Variants in RYR3 observed in about 807,000 individuals in gnomAD.
RYR3 encodes the protein ryanodine receptor 3.
A neutral mutation model predicts 584.3 loss-of-function variants in RYR3; 207 were observed. The ratio of observed to expected loss-of-function variants is 0.35; its 90% CI spans 0.32 to 0.40. The LOEUF (loss-of-function observed/expected upper bound fraction) is 0.40, where lower values mean the gene tolerates loss of function less well. Among genes scored for constraint, RYR3 ranks in the 10% least tolerant of loss-of-function variants. The pLI is 1.00. For missense variants in RYR3, 5,616 were observed against 6,089.2 expected (o/e 0.92, Z 2.59); for synonymous variants, 2,416 against 2,248.5 (o/e 1.07, Z -2.11).
chr15:33,808,135 A>G (rs1245508338), intron 70 of RYR3, among the ~76,000 whole-genome samples: 1 of 152,188 alleles, frequency 6.6e-6, no homozygotes, highest in African/African-American at 2.4e-5. Flanking sequence ...GCTCTACACT[A>G]TGCAGTGAAG....
In RYR3 at chr15:33,539,359, G is replaced by A; in HGVS notation, c.443G>A (p.Cys148Tyr). The change falls in exon 6 of 104, where the codon TGT becomes TAT. Residue 148 changes from cysteine (C) to tyrosine (Y), a missense_variant. Cys to Tyr is a radical substitution (Grantham distance 194). Coordinates refer to ENST00000634891, the MANE Select transcript of RYR3 (RefSeq NM_001036.6). The part of the protein sequence containing the change: ...GLREHATGEA[C>Y]WWTIHPASKQ... ...AGGAGCCTTCATGTAGGAGAAGCCT[G>A]TTGGTGGACTATACATCCTGCTTCC... 2 of 1,589,758 alleles carry A rather than the reference G, an allele frequency of 1.3e-6. No individual in the cohort carries two copies. The highest frequency in any genetic ancestry group is 2.3e-5 in the East Asian group (1 of 44,014).
At chr15:33,751,869 T>G (rs1008453723) in intron 57 of RYR3, among the ~76,000 whole-genome samples, 2 of 152,158 alleles carry the variant, frequency 1.3e-5, no homozygotes, top group South Asian at 2.1e-4. Context: ...TTTGGTCTTA[T>G]GTTTAAGTCT....
At chr15:33,546,804 A>AT (rs2056275840) in intron 8 of RYR3, among the ~76,000 whole-genome samples, 2 of 151,932 alleles carry the variant, frequency 1.3e-5, no homozygotes, top group African/African-American at 4.8e-5. Flanking sequence ...CTACTTCTCC[A>AT]GAAAAAAAAA....
intron 77 of RYR3, 60 bp from the exon 78 acceptor site, chr15:33,820,696 A>C: frequency 7.0e-7 from 1 of 1,426,252 alleles, no homozygotes; most frequent in African/African-American, 1.4e-5. Context: ...AGTTGTGTTT[A>C]TTAGATTTCC....
In RYR3 at chr15:33,865,404, ACATACACTGTGG is replaced by A. The variant is rs1890169229; in HGVS notation, c.*179_*190del. 1 of 577,432 alleles carries A rather than the reference ACATACACTGTGG, an allele frequency of 1.7e-6. No individual in the cohort carries two copies. The highest frequency in any genetic ancestry group is 3.1e-6 in the Non-Finnish European group (1 of 325,344). The allele number at this position is 577,432 out of a possible 1,614,324, so 35.8% of individuals were successfully genotyped here. ...TGATTTGGCTTTTTGTGCCTAATGG[ACATACACTGTGG>A]GAGAGAACCTGTCAAAATGTCGAAG... On this transcript the variant is annotated 3_prime_UTR_variant, in exon 104 of 104. Coordinates refer to ENST00000634891, the MANE Select transcript of RYR3 (RefSeq NM_001036.6).
At chr15:33,753,622 T>C (rs929244231) in intron 57 of RYR3, among the ~76,000 whole-genome samples, 7 of 152,186 alleles carry the variant, frequency 4.6e-5, no homozygotes, top group African/African-American at 1.7e-4. Context: ...TAGTTTCCTA[T>C]AGATTTTTTG....
chr15:33,668,151 C>CA (rs543583183), intron 36 of RYR3, among the ~76,000 whole-genome samples: 24,778 of 131,592 alleles, frequency 0.19, 2,599 homozygotes, highest in Middle Eastern at 0.25. Context: ...ACTGAAAATA[C>CA]AAAAAAAAAA....
chr15:33,360,228 C>T (rs899654555), intron 1 of RYR3, among the ~76,000 whole-genome samples: 20 of 152,134 alleles, frequency 1.3e-4, no homozygotes, highest in African/African-American at 4.8e-4. Flanking sequence ...CTCTTACAGT[C>T]GTGAGATAGG....
chr15:33,599,048 C>T (rs2437137), intron 16 of RYR3, among the ~76,000 whole-genome samples: 66,170 of 149,690 alleles, frequency 0.44, 14,991 homozygotes, highest in East Asian at 0.79. Context: ...GAGCGAGACT[C>T]CGTCTCCAAA....
intron 1 of RYR3, among the ~76,000 whole-genome samples, chr15:33,422,664 C>A (rs1213126868): frequency 6.6e-6 from 1 of 152,018 alleles, no homozygotes; most frequent in Admixed American, 6.6e-5. Context: ...GAGGAGAGAA[C>A]CTCGCACATC....
chr15:33,829,751 CAAA>C (rs56172137), intron 85 of RYR3, among the ~76,000 whole-genome samples: 63 of 134,738 alleles, frequency 4.7e-4, no homozygotes, highest in African/African-American at 8.0e-4. Context: ...GACTCTGTCT[CAAA>C]AAAAAAAAAA....
At chr15:33,416,628 A>T (rs922086306) in intron 1 of RYR3, among the ~76,000 whole-genome samples, 3 of 152,006 alleles carry the variant, frequency 2.0e-5, no homozygotes, top group Non-Finnish European at 4.4e-5. Flanking sequence ...ATTTTCTCCT[A>T]TTCTGTAGGT....
rs2140914042 is a variant in RYR3, at chr15:33,515,719, A to G, written c.279+11981A>G. Among the ~76,000 whole-genome samples, 4 of 152,366 alleles carry G rather than the reference A, an allele frequency of 2.6e-5. No homozygotes were observed. In the South Asian group the frequency reaches 8.3e-4, roughly 32 times the overall value. ...CCCTGGTCCAAACAGATCCAATTCA[A>G]ACTGGTTTATTGTTTTGCCTTAGGT... On this transcript the variant is annotated intron_variant, in intron 3 of 103. Coordinates refer to ENST00000634891, the MANE Select transcript of RYR3 (RefSeq NM_001036.6).
Position 33,843,585 on chromosome 15 carries a change from A to AT in RYR3, c.13296+13dup. ...CTGCTTTTTTATAAGGTGATACTTC[A>AT]TTCAGGGGTTATTTGCTAAATATGC... On this transcript the variant is annotated intron_variant, in intron 92 of 103. Transcript: ENST00000634891. 6.5e-7 allele frequency: 1 copy of AT among 1,539,814 alleles called. No homozygotes were observed. The highest frequency in any genetic ancestry group is 8.9e-7 in the Non-Finnish European group (1 of 1,127,756).
At position 33,813,471 on chromosome 15, in the gene RYR3, A is replaced by G; in HGVS notation, c.10394A>G (p.Glu3465Gly). The G allele has an allele frequency of 6.2e-7, 1 of 1,613,476 alleles. No individual in the cohort carries two copies. Among genetic ancestry groups the G allele is most frequent in the South Asian group, 1.1e-5 (1 of 91,066 alleles). ...ACCGATGTGATCTCTTCTCAGGTGG[A>G]ACAGCCTTTGAGGTCCAAGAAGGCC... ...SAAVFHLEQVEQPLRSKKAVW... is the reference protein window; with the variant it reads ...SAAVFHLEQVGQPLRSKKAVW... Residue 3465 changes from glutamate (E) to glycine (G), a missense_variant, in exon 74 of 104, where the codon GAA becomes GGA. This residue lies in a region of RYR3 where 954 missense variants were observed against 1,132.2 expected (regional missense o/e 0.84). Transcript: ENST00000634891.
intron 20 of RYR3, among the ~76,000 whole-genome samples, chr15:33,627,736 T>C (rs910076986): frequency 1.3e-5 from 2 of 152,206 alleles, no homozygotes; most frequent in African/African-American, 4.8e-5. Context: ...TGATTTTTTG[T>C]TGTAGACTTG....
chr15:33,788,475 T>A lies in RYR3; in HGVS notation c.9830+17T>A, dbSNP rs369880682. ...CAACAACAGGTACGGAGGAGAGCACTAGGAGCCTGTCTGCCCCTCTGTGGG... is the reference window on the plus strand; with the variant it reads ...CAACAACAGGTACGGAGGAGAGCACAAGGAGCCTGTCTGCCCCTCTGTGGG... On this transcript the variant is annotated intron_variant, in intron 67 of 103. Transcript: ENST00000634891. 2.5e-6 allele frequency: 4 copies of A among 1,609,306 alleles called. No individual in the cohort carries two copies. The highest frequency in any genetic ancestry group is 3.4e-6 in the Non-Finnish European group (4 of 1,175,980).
At chr15:33,491,372 T>C (rs903938523) in intron 2 of RYR3, among the ~76,000 whole-genome samples, 1 of 152,234 alleles carries the variant, frequency 6.6e-6, no homozygotes, top group Non-Finnish European at 1.5e-5. Context: ...TTCATCTGTG[T>C]CTAGTTCACT....
chr15:33,556,599 A>T (rs1487766455), intron 10 of RYR3, among the ~76,000 whole-genome samples: 1 of 152,232 alleles, frequency 6.6e-6, no homozygotes, highest in Non-Finnish European at 1.5e-5. Context: ...ATTTGTCCAC[A>T]GTCATATTTT....
Sources: gnomAD v4.1 joint callset for allele counts (sites outside exome capture counted in the v4.1 genomes callset) on GRCh38, gnomAD v4.1.1 for gene constraint, gnomAD v4.1.1 regional missense constraint, MANE v1.5 for transcripts, NCBI Gene and HGNC (gene_info 2026-07-23, HGNC 2026-07-21) for gene names.